The following CYP2U1 variants were observed in gnomAD, a reference collection of about 807,000 sequenced individuals.
CYP2U1 encodes the protein cytochrome P450 2U1.
CYP2U1 carries 28 observed loss-of-function variants against 42.8 expected under a neutral mutation model. The observed-to-expected ratio is 0.65, with a 90% CI of 0.48 to 0.90. The LOEUF (loss-of-function observed/expected upper bound fraction) is 0.90. Ranked by LOEUF, CYP2U1 falls within the 40% of genes least tolerant of loss-of-function variation. CYP2U1 has a pLI of 0.00. For missense variants in CYP2U1, 642 were observed against 693.8 expected (o/e 0.93, Z 0.84); for synonymous variants, 296 against 278.9 (o/e 1.06, Z -0.61).
At chr4:107,943,323 T>C (rs1733565399) in intron 1 of CYP2U1, among the ~76,000 whole-genome samples, 1 of 152,256 alleles carries the variant, frequency 6.6e-6, no homozygotes, top group African/African-American at 2.4e-5. Flanking sequence ...ACATATCTTA[T>C]GACTTATCAG....
chr4:107,949,301 A>G, intron 3 of CYP2U1, 49 bp from the exon 4 acceptor site: 1 of 1,383,456 alleles, frequency 7.2e-7, no homozygotes, highest in Non-Finnish European at 9.5e-7. Context: ...AGGGAGAACT[A>G]CTAGTAAAAG....
intron 3 of CYP2U1, among the ~76,000 whole-genome samples, chr4:107,948,805 T>C (rs1404153341): frequency 7.2e-5 from 11 of 152,166 alleles, no homozygotes; most frequent in Non-Finnish European, 5.9e-5. Context: ...TGCTTATACA[T>C]GACATTGGAT....
At position 107,931,807 on chromosome 4, in the gene CYP2U1, G is replaced by C; in HGVS notation, c.164G>C (p.Arg55Pro). Reference protein sequence around the residue: ...LLGWSWLRRRRARGIPPGPTP... With the variant: ...LLGWSWLRRRPARGIPPGPTP... The stretch of plus-strand genomic sequence containing the variant: ...GGCTGGAGCTGGCTGCGGAGGCGCC[G>C]GGCGCGGGGCATCCCGCCCGGGCCC... The change falls in exon 1 of 5, where the codon CGG (arginine) becomes CCG (proline). Residue 55 changes from arginine (R) to proline (P), a missense_variant. Transcript: ENST00000332884. The C allele has an allele frequency of 6.6e-7, 1 of 1,516,492 alleles. No individual in the cohort carries two copies. Among genetic ancestry groups the C allele is most frequent in the Non-Finnish European group, 8.8e-7 (1 of 1,132,830 alleles). The allele number at this position is 1,516,492 out of a possible 1,614,324, so 93.9% of individuals were successfully genotyped here.
At position 107,950,311 on chromosome 4, in the gene CYP2U1, T is replaced by C. The variant is rs1345441522; in HGVS notation, c.1523T>C (p.Met508Thr). 1 of 1,614,158 alleles carries C rather than the reference T, an allele frequency of 6.2e-7. No individual in the cohort carries two copies. The highest frequency in any genetic ancestry group is 1.7e-5 in the Admixed American group (1 of 60,016). ...MELFLMFVSL[M>T]QSFAFALPED... ...TTATTCCTAATGTTTGTGAGCCTAA[T>C]GCAGAGTTTCGCATTTGCTTTACCT... The change falls in exon 5 of 5, where the codon ATG (methionine) becomes ACG (threonine). Residue 508 changes from methionine to threonine, a missense_variant. Transcript: ENST00000332884.
chr4:107,937,232 A>G (rs1733303600), intron 1 of CYP2U1: 1 of 152,236 alleles, frequency 6.6e-6, no homozygotes, highest in Non-Finnish European at 1.5e-5. Context: ...GGAAATGAAG[A>G]TAAACAGAAA....
chr4:107,950,651 C>A lies in CYP2U1; in HGVS notation c.*228C>A. 2.5e-6 allele frequency: 1 copy of A among 401,922 alleles called. No homozygotes were observed. The allele number at this position is 401,922 out of a possible 1,614,324, so 24.9% of individuals were successfully genotyped here. A position where few individuals can be genotyped will look rare whatever the true frequency, so the allele number is the denominator to read the frequency against. On this transcript the variant is annotated 3_prime_UTR_variant, in exon 5 of 5. Coordinates refer to ENST00000332884, the MANE Select transcript of CYP2U1 (RefSeq NM_183075.3). ...GGTCTGTGATTTGGGGGATAGAAAACAAAGTACCTATGAAACGGGATATCT... is the reference window on the plus strand; with the variant it reads ...GGTCTGTGATTTGGGGGATAGAAAAAAAAGTACCTATGAAACGGGATATCT...
chr4:107,945,127 C>T lies in CYP2U1; in HGVS notation c.648C>T (p.Asp216=). 4 of 1,613,936 alleles carry T rather than the reference C, an allele frequency of 2.5e-6. No individual in the cohort carries two copies. The highest frequency in any genetic ancestry group is 3.4e-6 in the Non-Finnish European group (4 of 1,180,002). ...VKAEMQKHGE[D]PFCPFSIISN... ...CAGAAATGCAAAAGCACGGAGAAGA[C>T]CCCTTCTGCCCTTTCTCCATCATCA... Residue 216 remains aspartate, a synonymous_variant, in exon 2 of 5, where the codon GAC becomes GAT. Transcript: ENST00000332884.
intron 1 of CYP2U1, among the ~76,000 whole-genome samples, chr4:107,933,675 A>G (rs1733136458): frequency 6.6e-6 from 1 of 152,212 alleles, no homozygotes; most frequent in South Asian, 2.1e-4. Context: ...ACAAAACCCT[A>G]GGATGCTCAA....
intron 1 of CYP2U1, among the ~76,000 whole-genome samples, chr4:107,934,785 A>G (rs767839004): frequency 1.4e-4 from 22 of 152,194 alleles, no homozygotes; most frequent in Non-Finnish European, 3.1e-4. Flanking sequence ...GGCCTGGAAT[A>G]ACTTCTTACT....
At chr4:107,932,423 C>T (rs974945793) in intron 1 of CYP2U1, among the ~76,000 whole-genome samples, 2 of 152,180 alleles carry the variant, frequency 1.3e-5, no homozygotes, top group Non-Finnish European at 2.9e-5. Context: ...GACAAGGTGG[C>T]AAGCCAGGTT....
chr4:107,947,525 T>C lies in CYP2U1; in HGVS notation c.1276T>C (p.Ser426Pro). ...VVPLAIPHMT[S>P]ENTVLQGYTI... ...GCCGCTTGCCATTCCTCATATGACC[T>C]CAGAGAACACAGGCAAGTCCAGGGT... is the stretch of plus-strand genomic sequence containing the variant. The change falls in exon 3 of 5, where the codon TCA becomes CCA. Residue 426 changes from serine (S) to proline (P), a missense_variant. Transcript: ENST00000332884. 1 of 1,614,022 alleles carries C rather than the reference T, an allele frequency of 6.2e-7. No individual in the cohort carries two copies. The highest frequency in any genetic ancestry group is 8.5e-7 in the Non-Finnish European group (1 of 1,179,994).
chr4:107,941,157 T>C (rs545066901), intron 1 of CYP2U1: 7 of 151,970 alleles, frequency 4.6e-5, no homozygotes, highest in Non-Finnish European at 8.8e-5. Context: ...TTAAAAAATT[T>C]AAAAAACAGG....
At chr4:107,948,371 C>T (rs1330872492) in intron 3 of CYP2U1, among the ~76,000 whole-genome samples, 1 of 151,166 alleles carries the variant, frequency 6.6e-6, no homozygotes, top group Non-Finnish European at 1.5e-5. Flanking sequence ...CGAGACCAGC[C>T]TAGCCAACAT....
At chr4:107,939,861 AT>A (rs908134570) in intron 1 of CYP2U1, among the ~76,000 whole-genome samples, 1 of 152,120 alleles carries the variant, frequency 6.6e-6, no homozygotes, top group Non-Finnish European at 1.5e-5. Context: ...GGGAAGAGAT[AT>A]GGCCTGGCAA....
intron 1 of CYP2U1, among the ~76,000 whole-genome samples, chr4:107,933,418 TTAGG>T (rs1470575766): frequency 2.0e-5 from 3 of 152,176 alleles, no homozygotes; most frequent in Non-Finnish European, 4.4e-5. Flanking sequence ...GAAGAGAATT[TTAGG>T]TAGAAGCAGT....
chr4:107,948,898 G>A (rs1346169269), intron 3 of CYP2U1, among the ~76,000 whole-genome samples: 2 of 152,056 alleles, frequency 1.3e-5, no homozygotes, highest in Admixed American at 6.5e-5. Flanking sequence ...ATATTGACTT[G>A]TCAGCTGGTA....
intron 3 of CYP2U1, among the ~76,000 whole-genome samples, chr4:107,948,179 A>C (rs1372297586): frequency 1.3e-5 from 2 of 150,048 alleles, no homozygotes; most frequent in African/African-American, 2.5e-5. Context: ...GAGGCAGGAG[A>C]ATCGCTTGGA....
In CYP2U1 at chr4:107,952,732, T is replaced by C. The variant is rs1733951442; in HGVS notation, c.*2309T>C. The C allele has an allele frequency of 6.6e-6, 1 of 152,208 alleles. No individual in the cohort carries two copies. The highest frequency in any genetic ancestry group is 1.5e-5 in the Non-Finnish European group (1 of 68,048). The allele number at this position is 152,208 out of a possible 1,614,324, so 9.4% of individuals were successfully genotyped here. The stretch of plus-strand genomic sequence containing the variant: ...TGATTTAGCACATTCCTAGGCAGAC[T>C]TTTGCAAGCTCAAAAAATGAAAATA... On this transcript the variant is annotated 3_prime_UTR_variant, in exon 5 of 5. Coordinates refer to ENST00000332884, the MANE Select transcript of CYP2U1 (RefSeq NM_183075.3).
intron 1 of CYP2U1, among the ~76,000 whole-genome samples, chr4:107,943,523 G>C (rs1733571491): frequency 6.6e-6 from 1 of 152,194 alleles, no homozygotes; most frequent in South Asian, 2.1e-4. Flanking sequence ...TTCTGACACA[G>C]AAGAAAATTC....
Sources: allele counts gnomAD v4.1 joint callset (sites outside exome capture counted in the v4.1 genomes callset), GRCh38; gene constraint gnomAD v4.1.1; transcripts MANE v1.5; gene names NCBI Gene and HGNC (gene_info 2026-07-23, HGNC 2026-07-21).